Variants in BAZ1B observed in about 807,000 individuals in gnomAD.
BAZ1B encodes bromodomain adjacent to zinc finger domain 1B.
In BAZ1B, 22 loss-of-function variants were observed where a neutral mutation model predicts 153.8. The ratio of observed to expected loss-of-function variants is 0.14; its 90% CI spans 0.10 to 0.20. The LOEUF (loss-of-function observed/expected upper bound fraction) is 0.20. Among genes scored for constraint, BAZ1B ranks in the 10% least tolerant of loss-of-function variants. The pLI is 1.00. For missense variants in BAZ1B, 1,325 were observed against 1,799.3 expected, an observed-to-expected ratio of 0.74 and a Z score of 4.77; for synonymous variants, 676 against 633.4, an observed-to-expected ratio of 1.07 and a Z score of -1.01.
At chr7:73,515,852 G>A (rs530659499) in intron 1 of BAZ1B, among the ~76,000 whole-genome samples, 2 of 152,216 alleles carry the variant, frequency 1.3e-5, no homozygotes, top group East Asian at 3.9e-4. Flanking sequence ...GTCTTAAAAT[G>A]AGAAAAATGT....
intron 13 of BAZ1B, among the ~76,000 whole-genome samples, chr7:73,456,436 A>G (rs537059038): frequency 8.5e-5 from 13 of 152,358 alleles, no homozygotes; most frequent in African/African-American, 2.9e-4. Flanking sequence ...AAGGACATAT[A>G]AAGAACTCCT....
chr7:73,481,366 T>A (rs544430710), intron 6 of BAZ1B, among the ~76,000 whole-genome samples: 33 of 151,298 alleles, frequency 2.2e-4, no homozygotes, highest in South Asian at 8.4e-4. Context: ...ATACAAAAAA[T>A]TTTAGCCAGG....
intron 13 of BAZ1B, among the ~76,000 whole-genome samples, chr7:73,456,060 G>A (rs1214865427): frequency 2.0e-5 from 3 of 152,036 alleles, no homozygotes; most frequent in African/African-American, 4.8e-5. Context: ...CAATAATAAA[G>A]CATGCTACAT....
chr7:73,507,874 A>G (rs1443419184), intron 3 of BAZ1B, among the ~76,000 whole-genome samples: 4 of 152,214 alleles, frequency 2.6e-5, no homozygotes, highest in African/African-American at 9.6e-5. Context: ...TCTCTAAACA[A>G]ATAAATAAAA....
intron 1 of BAZ1B, among the ~76,000 whole-genome samples, chr7:73,511,475 G>A (rs1790576860): frequency 6.6e-6 from 1 of 151,650 alleles, no homozygotes; most frequent in African/African-American, 2.4e-5. Flanking sequence ...ACCAGCCTGG[G>A]CAACATGATG....
chr7:73,448,288 GA>G (rs1554567088), intron 15 of BAZ1B, among the ~76,000 whole-genome samples: 1 of 152,144 alleles, frequency 6.6e-6, no homozygotes, highest in East Asian at 1.9e-4. Flanking sequence ...TGGGCAACAA[GA>G]GCGAAACTCC....
chr7:73,489,539 G>C, intron 5 of BAZ1B, 148 bp from the exon 6 acceptor site: 1 of 798,958 alleles, frequency 1.3e-6, no homozygotes, highest in East Asian at 2.7e-5. Context: ...TATAGGCCAG[G>C]GATGGTTTCT....
chr7:73,475,217 C>T (rs373373274), intron 7 of BAZ1B, among the ~76,000 whole-genome samples: 4 of 152,186 alleles, frequency 2.6e-5, no homozygotes, highest in East Asian at 1.9e-4. Context: ...AATCTTATTC[C>T]GAGGTATTTA....
At chr7:73,519,956 C>G (rs1416881622) in intron 1 of BAZ1B, among the ~76,000 whole-genome samples, 1 of 152,046 alleles carries the variant, frequency 6.6e-6, no homozygotes, top group Non-Finnish European at 1.5e-5. Context: ...CCTGTTAATC[C>G]CAGTACTTTG....
intron 10 of BAZ1B, 34 bp downstream of exon 10, chr7:73,466,262 A>G: frequency 6.7e-7 from 1 of 1,483,842 alleles, no homozygotes; most frequent in East Asian, 2.3e-5. Context: ...TTAAAAGGAA[A>G]AAGAAAGAGC....
In BAZ1B at chr7:73,440,574, A is replaced by G. The variant is rs1222248815; in HGVS notation, c.*1135T>C. The G allele has an allele frequency of 6.6e-6, 1 of 151,872 alleles. No individual in the cohort carries two copies. Among genetic ancestry groups the G allele is most frequent in the Non-Finnish European group, 1.5e-5 (1 of 68,016 alleles). 9.4% of individuals were successfully genotyped at this position (151,872 alleles called of 1,614,324 possible). Reference sequence around the variant, plus strand: ...ACACAGGATTCTCACTATGAACAAGAACAGACTGGATGTAGGAGGCAGGGG... The same window carrying G: ...ACACAGGATTCTCACTATGAACAAGGACAGACTGGATGTAGGAGGCAGGGG... On this transcript the variant is annotated 3_prime_UTR_variant, in exon 20 of 20. Coordinates refer to ENST00000339594, the MANE Select transcript of BAZ1B (RefSeq NM_032408.4).
chr7:73,473,673 GA>G (rs1554572375), intron 7 of BAZ1B, among the ~76,000 whole-genome samples: 1 of 152,166 alleles, frequency 6.6e-6, no homozygotes, highest in African/African-American at 2.4e-5. Flanking sequence ...GTTTTAAAAG[GA>G]ATATACATTT....
chr7:73,506,218 G>T (rs1790332904), intron 3 of BAZ1B, among the ~76,000 whole-genome samples: 1 of 152,110 alleles, frequency 6.6e-6, no homozygotes, highest in Admixed American at 6.6e-5. Flanking sequence ...AACAAATAAG[G>T]CCGGGCGCAC....
chr7:73,497,455 T>G (rs1429784104), intron 4 of BAZ1B, among the ~76,000 whole-genome samples: 1 of 152,240 alleles, frequency 6.6e-6, no homozygotes, highest in Non-Finnish European at 1.5e-5. Context: ...AGGTATGGTC[T>G]GTGTAAGTTT....
In BAZ1B at chr7:73,510,637, C is replaced by T. The variant is rs1223534992; in HGVS notation, c.224+99G>A. ...CTAATGTAATATAGTCTAATTTGTG[C>T]CCCATAAACTTAAATACACATACTG... On this transcript the variant is annotated intron_variant, in intron 2 of 19. Coordinates refer to ENST00000339594, the MANE Select transcript of BAZ1B (RefSeq NM_032408.4). 4 of 1,140,252 alleles carry T rather than the reference C, an allele frequency of 3.5e-6. No homozygotes were observed. The South Asian group carries it at 4.1e-5, about 12-fold the overall frequency. 70.6% of individuals were successfully genotyped at this position (1,140,252 alleles called of 1,614,324 possible). A position where few individuals can be genotyped will look rare whatever the true frequency, so the allele number is the denominator to read the frequency against.
Position 73,441,150 on chromosome 7 carries a change from C to G in BAZ1B, c.*559G>C, listed in dbSNP as rs1554564788. 1 of 152,660 alleles carries G rather than the reference C, an allele frequency of 6.6e-6. No individual in the cohort carries two copies. 9.5% of individuals were successfully genotyped at this position (152,660 alleles called of 1,614,324 possible). A position where few individuals can be genotyped will look rare whatever the true frequency, so the allele number is the denominator to read the frequency against. ...TGCTTGCCTCAATGAGCCTCCAACC[C>G]AACTGCTCTAGAGGAGAGTGGATGG... On this transcript the variant is annotated 3_prime_UTR_variant, in exon 20 of 20. Transcript: ENST00000339594.
Position 73,478,356 on chromosome 7 carries a change from T to C in BAZ1B, c.1105A>G (p.Met369Val), listed in dbSNP as rs947523996. ...SKSPEEHLEE[M>V]MKMMSPNKLH... is the part of the protein sequence containing the mutation. ...TTATTGGGCGACATCATCTTCATCA[T>C]TTCTTCTAGATGTTCTTCAGGAGAT... The change falls in exon 7 of 20, where the codon ATG becomes GTG. Residue 369 changes from methionine (M) to valine (V), a missense_variant. Coordinates refer to ENST00000339594, the MANE Select transcript of BAZ1B (RefSeq NM_032408.4). 24 of 1,612,412 alleles carry C rather than the reference T, an allele frequency of 1.5e-5. No homozygotes were observed. Among genetic ancestry groups the C allele is most frequent in the Non-Finnish European group, 1.5e-5 (18 of 1,179,714 alleles).
At chr7:73,518,028 G>C (rs1310652701) in intron 1 of BAZ1B, among the ~76,000 whole-genome samples, 2 of 152,104 alleles carry the variant, frequency 1.3e-5, no homozygotes, top group African/African-American at 4.8e-5. Context: ...TCTCTTACTC[G>C]ATTTTTTCTC....
At chr7:73,455,002 C>T (rs972145913) in intron 13 of BAZ1B, among the ~76,000 whole-genome samples, 26 of 151,926 alleles carry the variant, frequency 1.7e-4, no homozygotes, top group African/African-American at 5.3e-4. Context: ...ACTACAGGCT[C>T]GCGCCACCAC....
Sources: allele counts gnomAD v4.1 joint callset (sites outside exome capture counted in the v4.1 genomes callset), GRCh38; gene constraint gnomAD v4.1.1; transcripts MANE v1.5; gene names NCBI Gene and HGNC (gene_info 2026-07-23, HGNC 2026-07-21).